FAXDC2: variants seen among roughly 807,000 people sequenced by gnomAD.
The protein encoded by FAXDC2 is fatty acid hydroxylase domain containing 2.
A neutral mutation model predicts 40.9 loss-of-function variants in FAXDC2; 41 were observed. The ratio of observed to expected loss-of-function variants is 1.00; its 90% CI spans 0.78 to 1.30. FAXDC2 has a LOEUF of 1.30. Ranked by LOEUF, FAXDC2 falls within the 50% of genes most tolerant of loss-of-function variation. The pLI is 0.00. For missense variants in FAXDC2, 390 were observed against 408.8 expected (o/e 0.95, Z 0.40); for synonymous variants, 157 against 149.3 (o/e 1.05, Z -0.38).
intron 5 of FAXDC2, chr5:154,824,512 ACT>A (rs1251733813): frequency 5.7e-6 from 4 of 701,830 alleles, no homozygotes; most frequent in African/African-American, 3.5e-5. Context: ...TTCAGAATTC[ACT>A]CTTTGTTTAC....
chr5:154,828,050 C>T (rs749215915), intron 5 of FAXDC2, among the ~76,000 whole-genome samples: 4 of 151,700 alleles, frequency 2.6e-5, no homozygotes, highest in Non-Finnish European at 4.4e-5. Flanking sequence ...GGATCTCGTT[C>T]TGTCGCTTGG....
chr5:154,848,135 G>A (rs984330697), intron 1 of FAXDC2, among the ~76,000 whole-genome samples: 3 of 152,268 alleles, frequency 2.0e-5, no homozygotes, highest in South Asian at 4.1e-4. Context: ...CACCATGCCC[G>A]GCCTACTGAA....
intron 4 of FAXDC2, among the ~76,000 whole-genome samples, chr5:154,833,933 G>C (rs1760255891): frequency 6.6e-6 from 1 of 151,820 alleles, no homozygotes; most frequent in Non-Finnish European, 1.5e-5. Context: ...CTCCCAAGGT[G>C]CTAGGATTAC....
At chr5:154,847,641 C>G (rs1399091704) in intron 1 of FAXDC2, among the ~76,000 whole-genome samples, 2 of 151,538 alleles carry the variant, frequency 1.3e-5, no homozygotes, top group African/African-American at 4.9e-5. Context: ...GCACCCACCC[C>G]CACCATGCCT....
chr5:154,823,125 C>T (rs1034314618), intron 6 of FAXDC2, among the ~76,000 whole-genome samples: 1 of 152,168 alleles, frequency 6.6e-6, no homozygotes. Context: ...GATCCTCCCA[C>T]CTCAATCTCC....
At chr5:154,838,066 G>A in intron 2 of FAXDC2, 65 bp downstream of exon 2, 1 of 1,046,200 alleles carries the variant, frequency 9.6e-7, no homozygotes. Flanking sequence ...CATAGCAAGT[G>A]CAGCTATGGC....
At chr5:154,827,976 A>G (rs1474877138) in intron 5 of FAXDC2, among the ~76,000 whole-genome samples, 1 of 151,970 alleles carries the variant, frequency 6.6e-6, no homozygotes, top group African/African-American at 2.4e-5. Context: ...CAGCTTCCCA[A>G]GTAGCTGGGA....
intron 1 of FAXDC2, among the ~76,000 whole-genome samples, chr5:154,839,802 C>A (rs1760437716): frequency 6.6e-6 from 1 of 152,004 alleles, no homozygotes; most frequent in Non-Finnish European, 1.5e-5. Flanking sequence ...ACAAATTCTC[C>A]TCCATCACTC....
rs1388177684 is a variant in FAXDC2, at chr5:154,850,531, A to G, written c.-49T>C. The G allele has an allele frequency of 6.6e-6, 1 of 152,218 alleles. No homozygotes were observed. Among genetic ancestry groups the G allele is most frequent in the Non-Finnish European group, 1.5e-5 (1 of 68,100 alleles). The allele number at this position is 152,218 out of a possible 1,614,324, so 9.4% of individuals were successfully genotyped here. On this transcript the variant is annotated 5_prime_UTR_variant, in exon 1 of 9. Coordinates refer to ENST00000326080, the MANE Select transcript of FAXDC2 (RefSeq NM_032385.5). Reference sequence around the variant, plus strand: ...CTGCTGAGGTCCTTGCACAGGTCAAATCTAAGTTCTCTTCCCTTTCAGCCC... The same window carrying G: ...CTGCTGAGGTCCTTGCACAGGTCAAGTCTAAGTTCTCTTCCCTTTCAGCCC...
intron 5 of FAXDC2, among the ~76,000 whole-genome samples, chr5:154,827,062 G>C (rs1221799862): frequency 6.6e-6 from 1 of 152,086 alleles, no homozygotes; most frequent in Non-Finnish European, 1.5e-5. Flanking sequence ...CCCAGCACTT[G>C]GGGAGTCCGA....
At chr5:154,826,007 G>A (rs1760025004) in intron 5 of FAXDC2, among the ~76,000 whole-genome samples, 2 of 152,178 alleles carry the variant, frequency 1.3e-5, no homozygotes, top group Non-Finnish European at 2.9e-5. Flanking sequence ...GTCAAGGAGG[G>A]AGTTGGATAT....
rs557543082 is a variant in FAXDC2 at position 154,847,487 on chromosome 5, C to CTTTTT, written c.-1+2991_-1+2995dup. 4.2e-4 allele frequency among the ~76,000 whole-genome samples: 56 copies of CTTTTT among 132,306 alleles called. 1 individual carries two copies. Among genetic ancestry groups the CTTTTT allele is most frequent in the Non-Finnish European group, 5.3e-4 (33 of 61,776 alleles). 86.8% of individuals were successfully genotyped at this position (132,306 alleles called of 152,430 possible). ...GATTTTCTTTTTTCTTTCTTTCTTT[C>CTTTTT]TTTTTTTTTTTTTTTTTGAGATGGA... On this transcript the variant is annotated intron_variant, in intron 1 of 8. Coordinates refer to ENST00000326080, the MANE Select transcript of FAXDC2 (RefSeq NM_032385.5).
intron 1 of FAXDC2, among the ~76,000 whole-genome samples, chr5:154,846,024 G>A (rs1470436070): frequency 1.3e-5 from 2 of 151,226 alleles, no homozygotes; most frequent in African/African-American, 2.4e-5. Flanking sequence ...GGATGGTCTC[G>A]ATCTCCTGAC....
rs1387071523 is a variant in FAXDC2, at chr5:154,823,445, G to C, written c.514C>G (p.Leu172Val). 2 of 1,614,072 alleles carry C rather than the reference G, an allele frequency of 1.2e-6. No individual in the cohort carries two copies. The highest frequency in any genetic ancestry group is 1.3e-5 in the African/African-American group (1 of 74,936). ...AGCGTGAAGATGGCCAGCTCCAGGA[G>C]GAACCAGTGGAAGGTGGGTAGCTCA... ...RRELPTFHWF[L>V]LELAIFTLIE... The change falls in exon 6 of 9, where the codon CTC (leucine) becomes GTC (valine). Residue 172 changes from leucine (L) to valine (V), a missense_variant. By Grantham distance (32) the Leu-to-Val change is conservative. Coordinates refer to ENST00000326080, the MANE Select transcript of FAXDC2 (RefSeq NM_032385.5).
chr5:154,821,416 A>C lies in FAXDC2; in HGVS notation c.689T>G (p.Met230Arg). The C allele has an allele frequency of 6.2e-7, 1 of 1,611,722 alleles. No individual in the cohort carries two copies. The highest frequency in any genetic ancestry group is 8.5e-7 in the Non-Finnish European group (1 of 1,179,044). ...AHPIEHAVSN[M>R]LPVIVGPLVM... ...TAATGGGCCCACTATCACCGGTAGC[A>C]TGTTGGAGACCTGCAAGAGGAGGGA... is the stretch of plus-strand genomic sequence containing the variant. The change falls in exon 8 of 9, where the codon ATG becomes AGG. Residue 230 changes from methionine (M) to arginine (R), a missense_variant. Coordinates refer to ENST00000326080, the MANE Select transcript of FAXDC2 (RefSeq NM_032385.5).
intron 5 of FAXDC2, among the ~76,000 whole-genome samples, chr5:154,825,670 C>CAAAAAAAAAAAAAAAAAAAAAT (rs1561652954): frequency 1.4e-5 from 1 of 73,134 alleles, no homozygotes; most frequent in African/African-American, 6.7e-5. Flanking sequence ...AAAAAAAAAG[C>CAAAAAAAAAAAAAAAAAAAAAT]AGTAATATAG....
At position 154,822,541 on chromosome 5, in the gene FAXDC2, G is replaced by A; in HGVS notation, c.609C>T (p.His203=). Residue 203 remains histidine (H), a synonymous_variant, in exon 7 of 9, where the codon CAC becomes CAT. Transcript: ENST00000326080. ...GAGCTGTCCACTCATGGTGTTTCTT[G>A]TGGATTTTCTTGTAGAATGTTGGGT... The part of the protein sequence containing the change: ...LHHPTFYKKI[H]KKHHEWTAPI... 1 of 1,614,174 alleles carries A rather than the reference G, an allele frequency of 6.2e-7. No individual in the cohort carries two copies. The highest frequency in any genetic ancestry group is 8.5e-7 in the Non-Finnish European group (1 of 1,180,012).
chr5:154,844,218 A>C (rs1351868913), intron 1 of FAXDC2, among the ~76,000 whole-genome samples: 3 of 140,742 alleles, frequency 2.1e-5, no homozygotes, highest in Non-Finnish European at 4.6e-5. Context: ...ACTCTGTCTC[A>C]AAAAAAAAAA....
chr5:154,848,423 C>G (rs1017184325), intron 1 of FAXDC2, among the ~76,000 whole-genome samples: 1 of 152,132 alleles, frequency 6.6e-6, no homozygotes, highest in Admixed American at 6.6e-5. Context: ...ACTTCTATTT[C>G]ATAAGAAATG....
Sources: gnomAD v4.1 joint callset for allele counts (sites outside exome capture counted in the v4.1 genomes callset) on GRCh38, gnomAD v4.1.1 for gene constraint, MANE v1.5 for transcripts, NCBI Gene and HGNC (gene_info 2026-07-23, HGNC 2026-07-21) for gene names.